The following TSPAN2 variants were observed in gnomAD, a reference collection of about 807,000 sequenced individuals.
The protein encoded by TSPAN2 is tetraspanin-2.
A neutral mutation model predicts 33.3 loss-of-function variants in TSPAN2; 24 were observed. The observed-to-expected ratio is 0.72, with a 90% CI of 0.52 to 1.01. The LOEUF (loss-of-function observed/expected upper bound fraction) is 1.01. Among genes scored for constraint, TSPAN2 ranks in the 50% least tolerant of loss-of-function variants. The pLI is 0.00. For synonymous variants in TSPAN2, 114 were observed against 104.5 expected (o/e 1.09, Z -0.56); for missense variants, 278 against 281.3 (o/e 0.99, Z 0.08).
chr1:115,049,182 G>T lies in TSPAN2; in HGVS notation c.*1308C>A, dbSNP rs1333848298. The T allele has an allele frequency of 6.6e-6, 1 of 151,896 alleles. No individual in the cohort carries two copies. The highest frequency in any genetic ancestry group is 1.5e-5 in the Non-Finnish European group (1 of 67,944). 9.4% of individuals were successfully genotyped at this position (151,896 alleles called of 1,614,324 possible). A position where few individuals can be genotyped will look rare whatever the true frequency, so the allele number is the denominator to read the frequency against. ...TTTGCCAATGTAAATCCTAAATTTG[G>T]GTTTACTAAGTTAAAATGAAGCGTT... On this transcript the variant is annotated 3_prime_UTR_variant, in exon 8 of 8. Transcript: ENST00000369516.
intron 2 of TSPAN2, among the ~76,000 whole-genome samples, chr1:115,063,584 TA>T (rs1647815595): frequency 6.6e-6 from 1 of 152,048 alleles, no homozygotes; most frequent in African/African-American, 2.4e-5. Flanking sequence ...TAAAGGAAAA[TA>T]AGTCATTCTG....
intron 1 of TSPAN2, among the ~76,000 whole-genome samples, chr1:115,079,405 T>C (rs1648540630): frequency 6.6e-6 from 1 of 152,222 alleles, no homozygotes; most frequent in African/African-American, 2.4e-5. Context: ...GATCTGATTG[T>C]AAACCCCATT....
chr1:115,061,103 TAAAC>T (rs1647702553), intron 3 of TSPAN2, among the ~76,000 whole-genome samples: 1 of 152,096 alleles, frequency 6.6e-6, no homozygotes, highest in South Asian at 2.1e-4. Context: ...AGTTCAGTGA[TAAAC>T]AAGACAGAAA....
intron 2 of TSPAN2, among the ~76,000 whole-genome samples, chr1:115,070,572 CA>C (rs1331817681): frequency 6.6e-6 from 1 of 151,938 alleles, no homozygotes; most frequent in Non-Finnish European, 1.5e-5. Context: ...TACTGCCCAC[CA>C]TGCCCTAGTC....
At chr1:115,082,384 C>G (rs1260859664) in intron 1 of TSPAN2, among the ~76,000 whole-genome samples, 2 of 152,168 alleles carry the variant, frequency 1.3e-5, no homozygotes, top group African/African-American at 2.4e-5. Flanking sequence ...GGCCAGCTCT[C>G]AAGTCTCTTC....
chr1:115,082,165 G>C (rs548409269), intron 1 of TSPAN2, among the ~76,000 whole-genome samples: 2 of 152,204 alleles, frequency 1.3e-5, no homozygotes, highest in Non-Finnish European at 2.9e-5. Context: ...TAGCTAGTGG[G>C]ACTGAGAAAA....
chr1:115,080,794 G>T (rs1490794218), intron 1 of TSPAN2, among the ~76,000 whole-genome samples: 1 of 152,226 alleles, frequency 6.6e-6, no homozygotes, highest in African/African-American at 2.4e-5. Flanking sequence ...TCTAGGTTCA[G>T]CGGACCTCCT....
At position 115,049,098 on chromosome 1, in the gene TSPAN2, T is replaced by C. The variant is rs910325673; in HGVS notation, c.*1392A>G. On this transcript the variant is annotated 3_prime_UTR_variant, in exon 8 of 8. Transcript: ENST00000369516. ...TTCACTTATGTGTGGCCTTACAAAATGTAGTTTTTAAAAAATCTATGGTTT... is the reference window on the plus strand; with the variant it reads ...TTCACTTATGTGTGGCCTTACAAAACGTAGTTTTTAAAAAATCTATGGTTT... 4 of 152,132 alleles carry C rather than the reference T, an allele frequency of 2.6e-5. No individual in the cohort carries two copies. The highest frequency in any genetic ancestry group is 5.9e-5 in the Non-Finnish European group (4 of 67,982). 9.4% of individuals were successfully genotyped at this position (152,132 alleles called of 1,614,324 possible). A position where few individuals can be genotyped will look rare whatever the true frequency, so the allele number is the denominator to read the frequency against.
intron 5 of TSPAN2, chr1:115,058,096 G>T: frequency 6.0e-6 from 1 of 167,964 alleles, no homozygotes; most frequent in Non-Finnish European, 1.3e-5. Flanking sequence ...TCCTGCTTAG[G>T]CTAGCTGGCC....
At chr1:115,054,821 T>C (rs578045507) in intron 6 of TSPAN2, among the ~76,000 whole-genome samples, 23 of 152,106 alleles carry the variant, frequency 1.5e-4, no homozygotes, top group Middle Eastern at 3.4e-3. Flanking sequence ...ACCCCGTCTC[T>C]ACTGAAAATA....
intron 1 of TSPAN2, among the ~76,000 whole-genome samples, chr1:115,087,615 C>CAAAAA (rs58524726): frequency 1.1e-5 from 1 of 92,200 alleles, no homozygotes; most frequent in African/African-American, 4.1e-5. Flanking sequence ...GACTCCGTCT[C>CAAAAA]AAAAAAAAAA....
rs757595488 is a variant in TSPAN2 at position 115,058,975 on chromosome 1, G to A, written c.352C>T (p.Arg118Ter). ...TCTTCATACATGGTCTGAACATGTCGGATAGCCTGAAGAAATACAAGGAAA... is the reference window on the plus strand; with the variant it reads ...TCTTCATACATGGTCTGAACATGTCAGATAGCCTGAAGAAATACAAGGAAA... Reference protein sequence around the residue: ...FAFIGKGVAIRHVQTMYEEAY... With the variant: ...FAFIGKGVAI The change falls in exon 5 of 8, where the codon CGA becomes TGA. Residue 118 changes from arginine (R) to a stop codon, truncating the protein, a stop_gained. Coordinates refer to ENST00000369516, the MANE Select transcript of TSPAN2 (RefSeq NM_005725.6). LOFTEE classifies it high-confidence loss of function. 22 of 1,611,550 alleles carry A rather than the reference G, an allele frequency of 1.4e-5. 1 individual carries two copies. In the East Asian group the frequency reaches 3.1e-4, roughly 23 times the overall value.
intron 1 of TSPAN2, among the ~76,000 whole-genome samples, chr1:115,083,065 G>A (rs1273786363): frequency 2.6e-5 from 4 of 152,216 alleles, no homozygotes; most frequent in Non-Finnish European, 5.9e-5. Flanking sequence ...GCAGGCCAAG[G>A]TAACCCGAGT....
chr1:115,049,504 G>A lies in TSPAN2; in HGVS notation c.*986C>T, dbSNP rs1570961347. ...CAAAAAGTTAGGAAAACATGTAAACGTAAGTTATGAGGTATTTCATAGATA... is the reference window on the plus strand; with the variant it reads ...CAAAAAGTTAGGAAAACATGTAAACATAAGTTATGAGGTATTTCATAGATA... On this transcript the variant is annotated 3_prime_UTR_variant, in exon 8 of 8. Transcript: ENST00000369516. 1 of 152,504 alleles carries A rather than the reference G, an allele frequency of 6.6e-6. No individual in the cohort carries two copies. The highest frequency in any genetic ancestry group is 2.4e-5 in the African/African-American group (1 of 41,424). The allele number at this position is 152,504 out of a possible 1,614,324, so 9.4% of individuals were successfully genotyped here.
rs1198880387 is a variant in TSPAN2 at position 115,048,858 on chromosome 1, T to C, written c.*1632A>G. 6.6e-6 allele frequency: 1 copy of C among 152,182 alleles called. No homozygotes were observed. Among genetic ancestry groups the C allele is most frequent in the East Asian group, 1.9e-4 (1 of 5,204 alleles). 9.4% of individuals were successfully genotyped at this position (152,182 alleles called of 1,614,324 possible). On this transcript the variant is annotated 3_prime_UTR_variant, in exon 8 of 8. Coordinates refer to ENST00000369516, the MANE Select transcript of TSPAN2 (RefSeq NM_005725.6). Reference sequence around the variant, plus strand: ...GCCTCAAATATGACCTTTGTTCTTCTAGAAAAATTTCCTCCAAAATCAGTA... The same window carrying C: ...GCCTCAAATATGACCTTTGTTCTTCCAGAAAAATTTCCTCCAAAATCAGTA...
Position 115,050,425 on chromosome 1 carries a change from G to T in TSPAN2, c.*65C>A. Reference sequence around the variant, plus strand: ...GTCATTTCAGTGTTAAAAATGAGCTGGGAGACAGCTCCTGTGACATTTGGT... The same window carrying T: ...GTCATTTCAGTGTTAAAAATGAGCTTGGAGACAGCTCCTGTGACATTTGGT... On this transcript the variant is annotated 3_prime_UTR_variant, in exon 8 of 8. Transcript: ENST00000369516. 1 of 1,394,142 alleles carries T rather than the reference G, an allele frequency of 7.2e-7. No individual in the cohort carries two copies. The highest frequency in any genetic ancestry group is 1.0e-6 in the Non-Finnish European group (1 of 981,262). 86.4% of individuals were successfully genotyped at this position (1,394,142 alleles called of 1,614,324 possible).
At chr1:115,088,793 T>A (rs2101053571) in intron 1 of TSPAN2, among the ~76,000 whole-genome samples, 1 of 149,098 alleles carries the variant, frequency 6.7e-6, no homozygotes, top group Admixed American at 6.7e-5. Flanking sequence ...ACTCTTACCC[T>A]GATGCCCAGA....
intron 1 of TSPAN2, among the ~76,000 whole-genome samples, chr1:115,081,192 C>T (rs1648611551): frequency 6.6e-6 from 1 of 152,132 alleles, no homozygotes. Context: ...TTCTTAAAAG[C>T]CATTTTACCA....
At chr1:115,065,013 A>G (rs1159324227) in intron 2 of TSPAN2, among the ~76,000 whole-genome samples, 1 of 152,180 alleles carries the variant, frequency 6.6e-6, no homozygotes, top group East Asian at 1.9e-4. Flanking sequence ...TTTCATTCTT[A>G]GGCTATCAGA....
Sources: allele counts gnomAD v4.1 joint callset (sites outside exome capture counted in the v4.1 genomes callset), GRCh38; gene constraint gnomAD v4.1.1; transcripts MANE v1.5; gene names NCBI Gene and HGNC (gene_info 2026-07-23, HGNC 2026-07-21).